Variants in PIGR observed in about 807,000 individuals in gnomAD.
The protein encoded by PIGR is hepatocellular carcinoma associated protein TB6.
A neutral mutation model predicts 69.5 loss-of-function variants in PIGR; 22 were observed. The ratio of observed to expected loss-of-function variants is 0.32; its 90% confidence interval spans 0.23 to 0.45. PIGR has a LOEUF of 0.45. PIGR is among the 20% of genes least tolerant of loss of function. The pLI is 1.00. For missense variants in PIGR, 885 were observed against 974.0 expected (o/e 0.91, Z 1.22); for synonymous variants, 413 against 407.6 (o/e 1.01, Z -0.16).
Position 206,935,263 on chromosome 1 carries a change from C to A in PIGR, c.1378+223G>T, listed in dbSNP as rs760358825. Among the ~76,000 whole-genome samples the A allele has an allele frequency of 6.6e-6, 1 of 152,138 alleles. No individual in the cohort carries two copies. Among genetic ancestry groups the A allele is most frequent in the South Asian group, 2.1e-4 (1 of 4,834 alleles). ...GACTTCAGCTGATGCCTGCACACTG[C>A]GAAAGAAGCCCATGTTCTTGGTAGT... On this transcript the variant is annotated intron_variant, in intron 5 of 10. Coordinates refer to ENST00000356495, the MANE Select transcript of PIGR (RefSeq NM_002644.4). This position sits in a 1 kb window ranked among gnomAD's most constrained non-coding sequence, Gnocchi z 4.4.
rs959743425 is a variant in PIGR at position 206,929,932 on chromosome 1, A to G, written c.*386T>C. ...GGGGAAGGACGGGAGGGAGGGATGG[A>G]GTGGAGGGAAAAATTCTGTTGACAT... On this transcript the variant is annotated 3_prime_UTR_variant, in exon 11 of 11. Transcript: ENST00000356495. 5.4e-6 allele frequency: 1 copy of G among 185,766 alleles called. No homozygotes were observed. Among genetic ancestry groups the G allele is most frequent in the Non-Finnish European group, 1.1e-5 (1 of 90,744 alleles). The allele number at this position is 185,766 out of a possible 1,614,324, so 11.5% of individuals were successfully genotyped here.
Position 206,935,976 on chromosome 1 carries a change from T to C in PIGR, c.1046-158A>G, listed in dbSNP as rs1457099481. Among the ~76,000 whole-genome samples the C allele has an allele frequency of 1.3e-5, 2 of 152,076 alleles. No homozygotes were observed. The highest frequency in any genetic ancestry group is 2.9e-5 in the Non-Finnish European group (2 of 68,004). On this transcript the variant is annotated intron_variant, in intron 4 of 10. Transcript: ENST00000356495. This position sits in a 1 kb window ranked among gnomAD's most constrained non-coding sequence, Gnocchi z 4.4. ...AGAAAATGAAAAGGAGCTTTCCTAA[T>C]GTCACAGAGCCTGCAGCTGGAGCCA...
chr1:206,935,726 T>C lies in PIGR; in HGVS notation c.1138A>G (p.Ser380Gly), dbSNP rs35112874. 757 of 1,614,086 alleles carry C rather than the reference T, an allele frequency of 4.7e-4. No individual in the cohort carries two copies. The highest frequency in any genetic ancestry group is 5.8e-4 in the Non-Finnish European group (688 of 1,180,008). ...TCCCAGAGACACCAGTACTTGATGC[T>C]TTTGCTTTCCTTACGGTTGTAGGGG... ...LCPYNRKESK[S>G]IKYWCLWEGA... The change falls in exon 5 of 11, where the codon AGC (serine) becomes GGC (glycine). Residue 380 changes from serine to glycine, a missense_variant. Ser to Gly is a moderately conservative substitution (Grantham distance 56, BLOSUM62 0). Transcript: ENST00000356495. This position sits in a 1 kb window ranked among gnomAD's most constrained non-coding sequence, Gnocchi z 4.4.
intron 7 of PIGR, 80 bp from the exon 8 acceptor site, chr1:206,932,657 C>A: frequency 6.8e-7 from 1 of 1,473,312 alleles, no homozygotes; most frequent in Non-Finnish European, 9.1e-7. Flanking sequence ...TTGGCTTAGT[C>A]CTTTTTCCTC....
At position 206,930,866 on chromosome 1, in the gene PIGR, A is replaced by G. The variant is rs1206419494; in HGVS notation, c.2200-453T>C. On this transcript the variant is annotated intron_variant, in intron 10 of 10. Coordinates refer to ENST00000356495, the MANE Select transcript of PIGR (RefSeq NM_002644.4). The surrounding 1 kb of genome is among the most constrained non-coding windows in gnomAD (Gnocchi z 4.3). Reference sequence around the variant, plus strand: ...TGCTAAATGCCAGAGATGTTTCAAGAAAAAGTAGATATGATAAAAACAACA... The same window carrying G: ...TGCTAAATGCCAGAGATGTTTCAAGGAAAAGTAGATATGATAAAAACAACA... The G allele has an allele frequency of 1.0e-6, 1 of 985,336 alleles. No homozygotes were observed. Among genetic ancestry groups the G allele is most frequent in the East Asian group, 1.1e-4 (1 of 8,830 alleles). 61.0% of individuals were successfully genotyped at this position (985,336 alleles called of 1,614,324 possible).
intron 1 of PIGR, among the ~76,000 whole-genome samples, chr1:206,942,373 GC>G (rs1680003850): frequency 6.6e-6 from 1 of 152,210 alleles, no homozygotes; most frequent in Admixed American, 6.5e-5. Context: ...GGTGGGAGCA[GC>G]TTTCAGGAGG....
chr1:206,941,039 A>G (rs1463198365), intron 1 of PIGR, among the ~76,000 whole-genome samples: 1 of 152,224 alleles, frequency 6.6e-6, no homozygotes, highest in Non-Finnish European at 1.5e-5. Context: ...TGAGACCCAC[A>G]GAGGAGGTGT....
Position 206,935,414 on chromosome 1 carries a change from G to A in PIGR, c.1378+72C>T. 1 of 1,307,838 alleles carries A rather than the reference G, an allele frequency of 7.6e-7. No individual in the cohort carries two copies. 81.0% of individuals were successfully genotyped at this position (1,307,838 alleles called of 1,614,324 possible). Reference sequence around the variant, plus strand: ...CAGGGTGGAGGCGGGTGAAAAAGGAGGAAGAGTGGTTGGGGATGCTGCTGC... The same window carrying A: ...CAGGGTGGAGGCGGGTGAAAAAGGAAGAAGAGTGGTTGGGGATGCTGCTGC... On this transcript the variant is annotated intron_variant, in intron 5 of 10. Transcript: ENST00000356495. This position sits in a 1 kb window ranked among gnomAD's most constrained non-coding sequence, Gnocchi z 4.4.
intron 8 of PIGR, 63 bp downstream of exon 8, chr1:206,932,393 G>C: frequency 6.6e-7 from 1 of 1,515,438 alleles, no homozygotes; most frequent in Non-Finnish European, 8.9e-7. Context: ...CTCTATGGGT[G>C]GATGATTCAG....
intron 6 of PIGR, among the ~76,000 whole-genome samples, chr1:206,933,557 C>A (rs1432649049): frequency 6.6e-6 from 1 of 152,160 alleles, no homozygotes; most frequent in Non-Finnish European, 1.5e-5. Flanking sequence ...TCAGTGAGTC[C>A]CATCCGCAGG....
intron 5 of PIGR, 21 bp from the exon 6 acceptor site, chr1:206,934,767 G>A: frequency 6.3e-7 from 1 of 1,574,942 alleles, no homozygotes; most frequent in African/African-American, 1.3e-5. Flanking sequence ...GAGGGAGGTA[G>A]AAATAAACAC....
rs1221296827 is a variant in PIGR at position 206,935,275 on chromosome 1, A to G, written c.1378+211T>C. Among the ~76,000 whole-genome samples, 2 of 152,158 alleles carry G rather than the reference A, an allele frequency of 1.3e-5. No homozygotes were observed. ...TGCCTGCACACTGCGAAAGAAGCCC[A>G]TGTTCTTGGTAGTAGGAGGTACCAT... On this transcript the variant is annotated intron_variant, in intron 5 of 10. Transcript: ENST00000356495. This position sits in a 1 kb window ranked among gnomAD's most constrained non-coding sequence, Gnocchi z 4.4.
At chr1:206,937,934 C>A (rs1208266153) in intron 3 of PIGR, among the ~76,000 whole-genome samples, 183 bp from the exon 4 acceptor site, 1 of 152,222 alleles carries the variant, frequency 6.6e-6, no homozygotes, top group African/African-American at 2.4e-5. Context: ...GAAACCTTTC[C>A]CAAGCTAACA....
Position 206,931,808 on chromosome 1 carries a change from C to T in PIGR, c.2009-6G>A, listed in dbSNP as rs1679759086. The T allele has an allele frequency of 5.6e-6, 9 of 1,613,874 alleles. No individual in the cohort carries two copies. The highest frequency in any genetic ancestry group is 7.6e-6 in the Non-Finnish European group (9 of 1,180,024). On this transcript the variant is annotated splice_polypyrimidine_tract_variant and splice_region_variant and intron_variant, in intron 8 of 10. Coordinates refer to ENST00000356495, the MANE Select transcript of PIGR (RefSeq NM_002644.4). ...GCTTCTGATTGAAACTCGGTCTGTC[C>T]GGGAGGAAGAGGAGTTGGTGTAAGG... is the stretch of plus-strand genomic sequence containing the variant.
intron 1 of PIGR, among the ~76,000 whole-genome samples, chr1:206,944,629 G>A (rs745607288): frequency 2.0e-5 from 3 of 152,130 alleles, no homozygotes; most frequent in East Asian, 1.9e-4. Context: ...GCATGTTGAC[G>A]CCAAAGCCTC....
chr1:206,939,522 A>G (rs1476176795), intron 2 of PIGR, 59 bp from the exon 3 acceptor site: 2 of 1,212,112 alleles, frequency 1.7e-6, no homozygotes, highest in Non-Finnish European at 2.4e-6. Context: ...CCTGTTCCAG[A>G]TAACCCACTA....
chr1:206,933,997 A>G (rs547417492), intron 6 of PIGR, among the ~76,000 whole-genome samples: 4 of 152,082 alleles, frequency 2.6e-5, no homozygotes, highest in African/African-American at 7.2e-5. Context: ...AGCCACCCAA[A>G]TAGCTGGGAT....
At position 206,936,044 on chromosome 1, in the gene PIGR, G is replaced by A. The variant is rs147671966; in HGVS notation, c.1046-226C>T. ...GGGCTTGGAGTCTCCCCATCAGCCT[G>A]CACATGTTGTTCTTTTCCCCCATCT... On this transcript the variant is annotated intron_variant, in intron 4 of 10. Transcript: ENST00000356495. Among the ~76,000 whole-genome samples, 636 of 152,252 alleles carry A rather than the reference G, an allele frequency of 4.2e-3. 4 individuals carry two copies. The highest frequency in any genetic ancestry group is 0.01 in the Middle Eastern group (3 of 294).
intron 6 of PIGR, among the ~76,000 whole-genome samples, chr1:206,933,619 T>TA (rs1044859447): frequency 1.3e-5 from 2 of 152,214 alleles, no homozygotes; most frequent in Non-Finnish European, 2.9e-5. Context: ...TTATTAGGGC[T>TA]AAAACATTTC....
Sources: allele counts gnomAD v4.1 joint callset (sites outside exome capture counted in the v4.1 genomes callset), GRCh38; gene constraint gnomAD v4.1.1; non-coding constraint Gnocchi (gnomAD v3.1); transcripts MANE v1.5; gene names NCBI Gene and HGNC (gene_info 2026-07-23, HGNC 2026-07-21).